The following ANP32A variants were observed in gnomAD, a reference collection of about 807,000 sequenced individuals.
ANP32A encodes the protein acidic leucine-rich nuclear phosphoprotein 32 family member A.
A neutral mutation model predicts 33.9 loss-of-function variants in ANP32A; 1 was observed. That is an observed-to-expected ratio of 0.03 (90% CI 0.01 to 0.14). ANP32A has a LOEUF of 0.14. Ranked by LOEUF, ANP32A falls within the 10% of genes least tolerant of loss-of-function variation. The pLI, the probability that ANP32A is intolerant of heterozygous loss-of-function variation, is 1.00. For synonymous variants in ANP32A, 115 were observed against 120.5 expected (o/e 0.95, Z 0.30); for missense variants, 155 against 306.0 (o/e 0.51, Z 3.68).
intron 1 of ANP32A, among the ~76,000 whole-genome samples, chr15:68,801,619 G>C (rs1180942494): frequency 6.6e-6 from 1 of 152,098 alleles, no homozygotes; most frequent in African/African-American, 2.4e-5. Flanking sequence ...GCAGAGGTGA[G>C]GTATTATGCA....
At chr15:68,795,522 C>T (rs1341255013) in intron 1 of ANP32A, among the ~76,000 whole-genome samples, 4 of 152,228 alleles carry the variant, frequency 2.6e-5, no homozygotes. Context: ...AACATAAACC[C>T]TGTGACTTGC....
rs1181261879 is a variant in ANP32A at position 68,779,320 on chromosome 15, A to C, written c.*761T>G. The C allele has an allele frequency of 6.6e-6, 1 of 150,432 alleles. No homozygotes were observed. Among genetic ancestry groups the C allele is most frequent in the Non-Finnish European group, 1.5e-5 (1 of 67,990 alleles). 9.3% of individuals were successfully genotyped at this position (150,432 alleles called of 1,614,324 possible). A position where few individuals can be genotyped will look rare whatever the true frequency, so the allele number is the denominator to read the frequency against. Reference sequence around the variant, plus strand: ...CTAATATTTTACAGAACAAGATAGGACAGTTTTTTTTTTCTTTTAAAGAAG... The same window carrying C: ...CTAATATTTTACAGAACAAGATAGGCCAGTTTTTTTTTTCTTTTAAAGAAG... On this transcript the variant is annotated 3_prime_UTR_variant, in exon 7 of 7. Coordinates refer to ENST00000465139, the MANE Select transcript of ANP32A (RefSeq NM_006305.4).
intron 1 of ANP32A, among the ~76,000 whole-genome samples, chr15:68,814,972 T>C (rs1002604689): frequency 1.3e-5 from 2 of 152,168 alleles, no homozygotes; most frequent in Non-Finnish European, 2.9e-5. Flanking sequence ...ACAGAAGGCT[T>C]TGACATGTTC....
chr15:68,788,232 C>G (rs1018085574), intron 1 of ANP32A, among the ~76,000 whole-genome samples: 2 of 152,196 alleles, frequency 1.3e-5, no homozygotes, highest in Non-Finnish European at 2.9e-5. Context: ...CCTGCTGCCT[C>G]TGCAAGGTTG....
At chr15:68,811,387 G>A (rs1349569717) in intron 1 of ANP32A, among the ~76,000 whole-genome samples, 3 of 152,140 alleles carry the variant, frequency 2.0e-5, no homozygotes, top group African/African-American at 7.2e-5. Flanking sequence ...ACTGAGGGAG[G>A]GATGGACAAG....
Position 68,780,526 on chromosome 15 carries a change from G to A in ANP32A, c.625-53C>T. The A allele has an allele frequency of 2.5e-6, 4 of 1,610,542 alleles. No homozygotes were observed. Among genetic ancestry groups the A allele is most frequent in the Non-Finnish European group, 3.4e-6 (4 of 1,178,268 alleles). On this transcript the variant is annotated intron_variant, in intron 5 of 6. Transcript: ENST00000465139. The surrounding 1 kb of genome is among the most constrained non-coding windows in gnomAD (Gnocchi z 4.3). Reference sequence around the variant, plus strand: ...TTAGAAATGCCCTGCCTTGGGACATGCTGAGGAAGCCACACAGAGCACAAA... The same window carrying A: ...TTAGAAATGCCCTGCCTTGGGACATACTGAGGAAGCCACACAGAGCACAAA...
chr15:68,792,483 C>T (rs1480640987), intron 1 of ANP32A, among the ~76,000 whole-genome samples: 2 of 152,164 alleles, frequency 1.3e-5, no homozygotes, highest in East Asian at 1.9e-4. Flanking sequence ...AACTTGTCCC[C>T]AAAGCAAAGA....
At chr15:68,795,493 C>T (rs539498848) in intron 1 of ANP32A, among the ~76,000 whole-genome samples, 37 of 152,324 alleles carry the variant, frequency 2.4e-4, no homozygotes, top group Non-Finnish European at 5.9e-5. Flanking sequence ...AAGCCGCCGG[C>T]GCGGGGAGGG....
chr15:68,802,914 A>G lies in ANP32A; in HGVS notation c.55-14995T>C, dbSNP rs1894158111. 2.6e-5 allele frequency among the ~76,000 whole-genome samples: 4 copies of G among 152,322 alleles called. No individual in the cohort carries two copies. The South Asian group carries it at 8.3e-4, about 32-fold the overall frequency. ...GGTGATCCACCCACCTTGGCCTCCCAAAGTGCTGGGATTACAGACGTGAGC... is the reference window on the plus strand; with the variant it reads ...GGTGATCCACCCACCTTGGCCTCCCGAAGTGCTGGGATTACAGACGTGAGC... On this transcript the variant is annotated intron_variant, in intron 1 of 6. Coordinates refer to ENST00000465139, the MANE Select transcript of ANP32A (RefSeq NM_006305.4).
chr15:68,808,902 C>A (rs964416485), intron 1 of ANP32A, among the ~76,000 whole-genome samples: 1 of 152,148 alleles, frequency 6.6e-6, no homozygotes, highest in African/African-American at 2.4e-5. Context: ...ACTCTGCGGG[C>A]CTCTCTCTTT....
chr15:68,779,920 C>T lies in ANP32A; in HGVS notation c.*161G>A, dbSNP rs1489321786. On this transcript the variant is annotated 3_prime_UTR_variant, in exon 7 of 7. Coordinates refer to ENST00000465139, the MANE Select transcript of ANP32A (RefSeq NM_006305.4). ...TTCCACCCCCACCCGCCATCCCTCC[C>T]CCCGCAACCCCCAGTACACTCTTCC... 2.0e-6 allele frequency: 1 copy of T among 494,930 alleles called. No individual in the cohort carries two copies. Among genetic ancestry groups the T allele is most frequent in the South Asian group, 3.1e-5 (1 of 32,168 alleles). 30.7% of individuals were successfully genotyped at this position (494,930 alleles called of 1,614,324 possible).
intron 5 of ANP32A, chr15:68,782,655 G>A: frequency 2.6e-6 from 1 of 377,596 alleles, no homozygotes; most frequent in Non-Finnish European, 4.9e-6. Flanking sequence ...AGCAGAAAAT[G>A]GGGCCATGCA....
intron 3 of ANP32A, 48 bp from the exon 4 acceptor site, chr15:68,784,643 G>C: frequency 1.9e-6 from 3 of 1,603,098 alleles, no homozygotes; most frequent in Non-Finnish European, 2.6e-6. Flanking sequence ...GTGGGAGGAA[G>C]GTGGAGGAAC....
At chr15:68,783,210 C>G (rs2140359218) in intron 4 of ANP32A, among the ~76,000 whole-genome samples, 157 bp from the exon 5 acceptor site, 1 of 152,252 alleles carries the variant, frequency 6.6e-6, no homozygotes, top group Middle Eastern at 3.4e-3. Context: ...CTCATGAAAA[C>G]AGTGCTGACA....
intron 1 of ANP32A, among the ~76,000 whole-genome samples, chr15:68,797,749 T>A (rs1246615476): frequency 1.3e-5 from 2 of 152,156 alleles, no homozygotes; most frequent in Non-Finnish European, 2.9e-5. Flanking sequence ...CTTCTGTCCC[T>A]CCCAGGCAAC....
chr15:68,808,256 C>G (rs558613414), intron 1 of ANP32A, among the ~76,000 whole-genome samples: 1 of 152,194 alleles, frequency 6.6e-6, no homozygotes, highest in Non-Finnish European at 1.5e-5. Context: ...GCACCACCCT[C>G]AGAGACTGAT....
intron 1 of ANP32A, among the ~76,000 whole-genome samples, chr15:68,802,861 T>C (rs558070714): frequency 6.0e-5 from 9 of 150,864 alleles, no homozygotes; most frequent in Middle Eastern, 3.4e-3. Flanking sequence ...ACCATGTTGG[T>C]CAGGCTGGTC....
At chr15:68,788,062 A>G (rs1893955165) in intron 1 of ANP32A, 143 bp from the exon 2 acceptor site, 2 of 1,083,378 alleles carry the variant, frequency 1.8e-6, no homozygotes, top group Admixed American at 2.1e-5. Context: ...TTTCCGGATC[A>G]CTGTGCTGCC....
intron 1 of ANP32A, among the ~76,000 whole-genome samples, chr15:68,818,043 T>A (rs567302491): frequency 9.9e-5 from 15 of 151,610 alleles, no homozygotes; most frequent in East Asian, 3.9e-4. Context: ...TTAAAAAAAA[T>A]AAATAAATAA....
Sources: gnomAD v4.1 joint callset for allele counts (sites outside exome capture counted in the v4.1 genomes callset) on GRCh38, gnomAD v4.1.1 for gene constraint, Gnocchi (gnomAD v3.1) non-coding constraint, MANE v1.5 for transcripts, NCBI Gene and HGNC (gene_info 2026-07-23, HGNC 2026-07-21) for gene names.